Variants in ANKRD30B observed in about 807,000 individuals in gnomAD.
ANKRD30B encodes the protein ankyrin repeat domain-containing protein 30B.
ANKRD30B carries 144 observed loss-of-function variants against 202.2 expected under a neutral mutation model. The ratio of observed to expected loss-of-function variants is 0.71; its 90% CI spans 0.62 to 0.82. The LOEUF (loss-of-function observed/expected upper bound fraction) is 0.82. Ranked by LOEUF, ANKRD30B falls within the 40% of genes least tolerant of loss-of-function variation. The pLI is 0.00. For synonymous variants in ANKRD30B, 508 were observed against 561.3 expected, an observed-to-expected ratio of 0.91 and a Z score of 1.34; for missense variants, 1,487 against 1,669.1, an observed-to-expected ratio of 0.89 and a Z score of 1.90.
chr18:14,795,965 T>C (rs573201845), intron 16 of ANKRD30B, among the ~76,000 whole-genome samples: 7 of 152,288 alleles, frequency 4.6e-5, no homozygotes, highest in African/African-American at 1.7e-4. Flanking sequence ...AATTTAGTTA[T>C]TGTCAGTTGA....
At chr18:14,859,192 C>T (rs1371381131), downstream of ANKRD30B, among the ~76,000 whole-genome samples, 1 of 95,020 alleles carries the variant, frequency 1.1e-5, no homozygotes, top group East Asian at 2.7e-4. Flanking sequence ...GGCAGAGGCG[C>T]TCCTCACCTC....
intron 30 of ANKRD30B, among the ~76,000 whole-genome samples, chr18:14,817,441 G>C (rs1970174189): frequency 6.6e-6 from 1 of 152,134 alleles, no homozygotes; most frequent in Admixed American, 6.5e-5. Context: ...TTGAACTTCA[G>C]GGGTAATCAG....
intron 9 of ANKRD30B, among the ~76,000 whole-genome samples, chr18:14,775,790 T>G (rs1266386500): frequency 6.6e-6 from 1 of 152,194 alleles, no homozygotes; most frequent in Admixed American, 6.5e-5. Context: ...TGCATAGTGG[T>G]AACAGCAATG....
At chr18:14,781,288 CTTTTTTTTTTTTT>C (rs892666549) in intron 11 of ANKRD30B, among the ~76,000 whole-genome samples, 3 of 85,672 alleles carry the variant, frequency 3.5e-5, no homozygotes, top group African/African-American at 4.8e-5. Context: ...TCTGAGTATT[CTTTTTTTTTTTTT>C]TTTTTTTTTT....
the ANKRD30B span, among the ~76,000 whole-genome samples, chr18:14,881,274 G>T: frequency 1.3e-5 from 2 of 152,100 alleles, no homozygotes; most frequent in South Asian, 4.1e-4. Flanking sequence ...TGCCTATTTT[G>T]CTGAGAGCTT....
chr18:14,806,940 A>T (rs1433366292), intron 24 of ANKRD30B, among the ~76,000 whole-genome samples: 1 of 150,954 alleles, frequency 6.6e-6, no homozygotes, highest in Non-Finnish European at 1.5e-5. Context: ...TAAAGATATT[A>T]ATGAATCGAG....
intron 7 of ANKRD30B, among the ~76,000 whole-genome samples, chr18:14,765,694 A>C (rs1244484077): frequency 6.6e-6 from 1 of 152,162 alleles, no homozygotes; most frequent in East Asian, 1.9e-4. Context: ...GAGGGTAATT[A>C]CATAAAAAGA....
intron 5 of ANKRD30B, among the ~76,000 whole-genome samples, chr18:14,760,073 T>A (rs1319819205): frequency 6.6e-6 from 1 of 152,208 alleles, no homozygotes; most frequent in South Asian, 2.1e-4. Context: ...AATTTTAAAA[T>A]AGTTTCAGCA....
the ANKRD30B span, among the ~76,000 whole-genome samples, chr18:14,875,785 A>C: frequency 6.6e-6 from 1 of 152,272 alleles, no homozygotes; most frequent in Middle Eastern, 3.4e-3. Context: ...AGGCAGGCAA[A>C]CCTGGTTTTG....
intron 9 of ANKRD30B, among the ~76,000 whole-genome samples, chr18:14,773,818 G>A (rs1388640300): frequency 6.6e-6 from 1 of 151,974 alleles, no homozygotes; most frequent in East Asian, 1.9e-4. Context: ...ACAATGCACA[G>A]TTAATTTTTG....
rs4090321 is a variant in ANKRD30B at position 14,850,253 on chromosome 18, C to G, written c.3435C>G (p.Val1145=). The change falls in exon 41 of 44, where the codon GTC becomes GTG. Residue 1145 remains valine, a synonymous_variant. Transcript: ENST00000690538. ...AAGAAGAAGAGAAGAGAAGAAATGT[C>G]GATATATTAAAAGAAAAAATTAGAC... ...LNQEEEKRRN[V]DILKEKIRPE... is the part of the protein sequence containing the mutation. 9 of 1,582,790 alleles carry G rather than the reference C, an allele frequency of 5.7e-6. No homozygotes were observed. The highest frequency in any genetic ancestry group is 6.0e-6 in the Non-Finnish European group (7 of 1,167,632).
the ANKRD30B span, among the ~76,000 whole-genome samples, chr18:14,872,798 T>C: frequency 6.6e-6 from 1 of 152,130 alleles, no homozygotes; most frequent in African/African-American, 2.4e-5. Context: ...CAGGAGTCGA[T>C]ACAACTGGCA....
the ANKRD30B span, among the ~76,000 whole-genome samples, chr18:14,902,919 C>A: frequency 6.6e-6 from 1 of 152,150 alleles, no homozygotes; most frequent in African/African-American, 2.4e-5. Flanking sequence ...AGGACTTGGA[C>A]CTGGTGAGCA....
rs1416777364 is a variant in ANKRD30B, at chr18:14,846,285, T to C, written c.3182-2431T>C. Among the ~76,000 whole-genome samples the C allele has an allele frequency of 3.9e-5, 6 of 152,222 alleles. No homozygotes were observed. The East Asian group carries it at 9.7e-4, about 24-fold the overall frequency. On this transcript the variant is annotated intron_variant, in intron 39 of 43. Transcript: ENST00000690538. ...GAACCAACCCAGGGTTATTTGGATG[T>C]TATGTTACTTAATTTCCAATAGTTG...
At chr18:14,932,323 A>G in the ANKRD30B span, among the ~76,000 whole-genome samples, 1 of 151,264 alleles carries the variant, frequency 6.6e-6, no homozygotes, top group Non-Finnish European at 1.5e-5. Flanking sequence ...CCTCTCCCCT[A>G]TCTCTATCTT....
At chr18:14,862,895 TG>T in the ANKRD30B span, among the ~76,000 whole-genome samples, 1 of 152,266 alleles carries the variant, frequency 6.6e-6, no homozygotes, top group Non-Finnish European at 1.5e-5. Context: ...GTTTTATGTT[TG>T]CCCTACTGGG....
the ANKRD30B span, among the ~76,000 whole-genome samples, chr18:14,880,511 G>A: frequency 1.3e-5 from 2 of 151,564 alleles, no homozygotes; most frequent in African/African-American, 2.4e-5. Context: ...CCATCCAAGA[G>A]CATGGGGATG....
chr18:14,935,812 T>C, the ANKRD30B span, among the ~76,000 whole-genome samples: 1 of 152,226 alleles, frequency 6.6e-6, no homozygotes, highest in Non-Finnish European at 1.5e-5. Flanking sequence ...CTTTTATGTA[T>C]TTTGGCTGCA....
intron 32 of ANKRD30B, among the ~76,000 whole-genome samples, chr18:14,824,154 T>C (rs1970572550): frequency 6.6e-6 from 1 of 151,666 alleles, no homozygotes; most frequent in African/African-American, 2.4e-5. Flanking sequence ...TCAATACAGT[T>C]AGCTCCGCTT....
Sources: gnomAD v4.1 joint callset for allele counts (sites outside exome capture counted in the v4.1 genomes callset) on GRCh38, gnomAD v4.1.1 for gene constraint, MANE v1.5 for transcripts, NCBI Gene and HGNC (gene_info 2026-07-23, HGNC 2026-07-21) for gene names.